ZMAT5: variants seen among roughly 807,000 people sequenced by gnomAD.
ZMAT5 encodes the protein zinc finger matrin-type 5.
Under a neutral mutation model 28.0 loss-of-function variants are expected in ZMAT5, and 23 were observed. That is an observed-to-expected ratio of 0.82 (90% CI 0.59 to 1.16). The LOEUF (loss-of-function observed/expected upper bound fraction) is 1.16, where lower values mean the gene tolerates loss of function less well. ZMAT5 is among the 50% of genes most tolerant of loss of function. ZMAT5 has a pLI of 0.00. For synonymous variants in ZMAT5, 76 were observed against 84.1 expected (o/e 0.90, Z 0.52); for missense variants, 173 against 212.7 (o/e 0.81, Z 1.16).
At chr22:29,749,309 A>G (rs994039305) in intron 1 of ZMAT5, among the ~76,000 whole-genome samples, 1 of 151,700 alleles carries the variant, frequency 6.6e-6, no homozygotes, top group Non-Finnish European at 1.5e-5. Context: ...CCTGGGCTCA[A>G]GTGTCCTCCC....
intron 2 of ZMAT5, among the ~76,000 whole-genome samples, chr22:29,745,846 G>A (rs1169764491): frequency 1.3e-5 from 2 of 152,252 alleles, no homozygotes; most frequent in South Asian, 2.1e-4. Context: ...AAGTCCCTGC[G>A]GTTGCTCAGA....
chr22:29,753,535 AAAAAATTGCCG>A (rs1015214451), intron 1 of ZMAT5, among the ~76,000 whole-genome samples: 2 of 151,994 alleles, frequency 1.3e-5, no homozygotes, highest in African/African-American at 4.8e-5. Context: ...AAAAAGAAAA[AAAAAATTGCCG>A]GGTGTGGTGG....
chr22:29,741,538 G>A (rs966834250), intron 3 of ZMAT5, among the ~76,000 whole-genome samples: 1 of 152,176 alleles, frequency 6.6e-6, no homozygotes, highest in Non-Finnish European at 1.5e-5. Context: ...AGAATACATA[G>A]GACCTCAAGG....
chr22:29,761,050 G>A lies in ZMAT5; in HGVS notation c.-28+5822C>T, dbSNP rs377478953. 3.1e-3 allele frequency among the ~76,000 whole-genome samples: 446 copies of A among 143,560 alleles called. 2 individuals are homozygous for A. The highest frequency in any genetic ancestry group is 0.011 in the African/African-American group (423 of 38,576). The allele number at this position is 143,560 out of a possible 152,430, so 94.2% of individuals were successfully genotyped here. On this transcript the variant is annotated intron_variant, in intron 1 of 5. Coordinates refer to ENST00000344318, the MANE Select transcript of ZMAT5 (RefSeq NM_001003692.2). ...AGCACTTTGGGAGGCTGAGGCAGGC[G>A]GATGACAAGGTCAAGAGATCGAGAC... is the stretch of plus-strand genomic sequence containing the variant.
At chr22:29,747,957 C>G in intron 2 of ZMAT5, 1 of 249,904 alleles carries the variant, frequency 4.0e-6, no homozygotes, top group Non-Finnish European at 8.0e-6. Flanking sequence ...AACAGGGACC[C>G]CCCCACCTCC....
chr22:29,739,903 G>A (rs918931809), intron 4 of ZMAT5, among the ~76,000 whole-genome samples: 1 of 152,216 alleles, frequency 6.6e-6, no homozygotes, highest in African/African-American at 2.4e-5. Context: ...GAGGCCCGTA[G>A]GGGGATCAGG....
At chr22:29,765,418 AAAAAAC>A (rs1328845851) in intron 1 of ZMAT5, among the ~76,000 whole-genome samples, 1 of 152,032 alleles carries the variant, frequency 6.6e-6, no homozygotes, top group African/African-American at 2.4e-5. Flanking sequence ...CTGTCTCAAA[AAAAAAC>A]AAAAAACAAA....
rs1193305550 is a variant in ZMAT5 at position 29,736,817 on chromosome 22, G to A, written c.383+1513C>T. On this transcript the variant is annotated intron_variant, in intron 5 of 5. Coordinates refer to ENST00000344318, the MANE Select transcript of ZMAT5 (RefSeq NM_001003692.2). Reference sequence around the variant, plus strand: ...AGGCGGGTGGATCAGGAGGGCAGGAGATTGAGACCATCCTGGGTAACATGG... The same window carrying A: ...AGGCGGGTGGATCAGGAGGGCAGGAAATTGAGACCATCCTGGGTAACATGG... 2.0e-5 allele frequency among the ~76,000 whole-genome samples: 3 copies of A among 150,980 alleles called. No individual in the cohort carries two copies. In the East Asian group the frequency reaches 5.8e-4, roughly 29 times the overall value.
chr22:29,738,546 G>C, intron 4 of ZMAT5, 105 bp from the exon 5 acceptor site: 1 of 985,930 alleles, frequency 1.0e-6, no homozygotes, highest in Admixed American at 2.2e-5. Context: ...AGCAAGCCTG[G>C]GAAGTTGCAG....
chr22:29,734,293 G>A (rs2067883186), intron 5 of ZMAT5, among the ~76,000 whole-genome samples: 1 of 152,206 alleles, frequency 6.6e-6, no homozygotes, highest in African/African-American at 2.4e-5. Flanking sequence ...ACTTCCCCAT[G>A]TTTACAAGGA....
At chr22:29,734,170 C>A (rs1601713676) in intron 5 of ZMAT5, among the ~76,000 whole-genome samples, 1 of 152,170 alleles carries the variant, frequency 6.6e-6, no homozygotes, top group South Asian at 2.1e-4. Flanking sequence ...CTGGCCTTGC[C>A]GAGGGATTAG....
At chr22:29,751,044 T>C (rs1191357146) in intron 1 of ZMAT5, among the ~76,000 whole-genome samples, 1 of 152,180 alleles carries the variant, frequency 6.6e-6, no homozygotes, top group Non-Finnish European at 1.5e-5. Flanking sequence ...ATACACCCCA[T>C]CTTGTCAATA....
At chr22:29,741,156 G>A (rs1275629572) in intron 3 of ZMAT5, among the ~76,000 whole-genome samples, 1 of 152,204 alleles carries the variant, frequency 6.6e-6, no homozygotes, top group Non-Finnish European at 1.5e-5. Context: ...TGCCTACCTG[G>A]CTCACGGGAG....
intron 1 of ZMAT5, among the ~76,000 whole-genome samples, chr22:29,755,008 A>C (rs2068086243): frequency 6.6e-6 from 1 of 151,914 alleles, no homozygotes; most frequent in African/African-American, 2.4e-5. Flanking sequence ...TTAAAATCGC[A>C]GTCAAGGCCG....
At position 29,740,688 on chromosome 22, in the gene ZMAT5, G is replaced by T; in HGVS notation, c.233C>A (p.Ser78Ter). Residue 78 changes from serine to a stop codon, truncating the protein, a stop_gained, in exon 4 of 6, where the codon TCA (serine) becomes TAA (stop). Coordinates refer to ENST00000344318, the MANE Select transcript of ZMAT5 (RefSeq NM_001003692.2). LOFTEE classifies it high-confidence loss of function. ...GCTCAGCTCCTGCAGGTCTCGCTCT[G>T]ACATGTGGGAAAATCTGCAGTTGGA... ...FGSNCRFSHM[S>*]ERDLQELSIQ... 1 of 1,605,446 alleles carries T rather than the reference G, an allele frequency of 6.2e-7. No homozygotes were observed. Among genetic ancestry groups the T allele is most frequent in the Non-Finnish European group, 8.5e-7 (1 of 1,176,332 alleles).
At chr22:29,744,217 C>T (rs988473843) in intron 2 of ZMAT5, among the ~76,000 whole-genome samples, 8 of 152,140 alleles carry the variant, frequency 5.3e-5, no homozygotes, top group Non-Finnish European at 7.4e-5. Context: ...TCCAGGTATA[C>T]GGCCAAGACT....
Position 29,760,492 on chromosome 22 carries a change from T to C in ZMAT5, c.-28+6380A>G, listed in dbSNP as rs149418091. ...AGGTGAAGGTTGCAGTGAGCCCAGA[T>C]TGTGCCACTGTATTCCAGCCTGGGT... On this transcript the variant is annotated intron_variant, in intron 1 of 5. Coordinates refer to ENST00000344318, the MANE Select transcript of ZMAT5 (RefSeq NM_001003692.2). Among the ~76,000 whole-genome samples, 1,477 of 152,092 alleles carry C rather than the reference T, an allele frequency of 9.7e-3. 20 individuals carry two copies. Among genetic ancestry groups the C allele is most frequent in the African/African-American group, 0.033 (1,388 of 41,440 alleles).
At chr22:29,753,230 T>A (rs2068070152) in intron 1 of ZMAT5, among the ~76,000 whole-genome samples, 1 of 152,142 alleles carries the variant, frequency 6.6e-6, no homozygotes, top group Non-Finnish European at 1.5e-5. Flanking sequence ...AAAACTGGGA[T>A]AATAACAGTG....
At chr22:29,766,819 C>G (rs1284675598) in intron 1 of ZMAT5, 53 bp downstream of exon 1, 1 of 152,470 alleles carries the variant, frequency 6.6e-6, no homozygotes, top group East Asian at 1.9e-4. Context: ...CCTCGCCCCT[C>G]TATCCACACC....
Sources: allele counts gnomAD v4.1 joint callset (sites outside exome capture counted in the v4.1 genomes callset), GRCh38; gene constraint gnomAD v4.1.1; transcripts MANE v1.5; gene names NCBI Gene and HGNC (gene_info 2026-07-23, HGNC 2026-07-21).